The following KLHDC1 variants were observed in gnomAD, a reference collection of about 807,000 sequenced individuals.
KLHDC1 encodes the protein kelch domain-containing protein 1.
In KLHDC1, 53 loss-of-function variants were observed where a neutral mutation model predicts 68.3. That is an observed-to-expected ratio of 0.78 (90% CI 0.62 to 0.98). KLHDC1 has a LOEUF of 0.98. Ranked by LOEUF, KLHDC1 falls within the 50% of genes least tolerant of loss-of-function variation. KLHDC1 has a pLI of 0.00. For missense variants in KLHDC1, 470 were observed against 492.3 expected (o/e 0.95, Z 0.43); for synonymous variants, 148 against 159.0 (o/e 0.93, Z 0.52).
At chr14:49,718,111 C>T (rs1045743581) in intron 4 of KLHDC1, among the ~76,000 whole-genome samples, 1 of 152,090 alleles carries the variant, frequency 6.6e-6, no homozygotes, top group Non-Finnish European at 1.5e-5. Context: ...GTCTCAGACT[C>T]TTGGCTTCAA....
chr14:49,732,702 AG>A lies in KLHDC1; in HGVS notation c.711del, dbSNP rs1566614561. 1 of 1,446,294 alleles carries A rather than the reference AG, an allele frequency of 6.9e-7. No homozygotes were observed. The highest frequency in any genetic ancestry group is 1.7e-4 in the Middle Eastern group (1 of 5,720). The allele number at this position is 1,446,294 out of a possible 1,614,324, so 89.6% of individuals were successfully genotyped here. On this transcript the variant is annotated splice_acceptor_variant, in intron 8 of 12. Coordinates refer to ENST00000359332, the MANE Select transcript of KLHDC1 (RefSeq NM_172193.3). LOFTEE classifies it high-confidence loss of function. ...TAGACTTTCTTTTTCTCCTTGCCAC[AG>A]GATTACTATTAATGGAGAAAGCCCA...
intron 1 of KLHDC1, 70 bp downstream of exon 1, chr14:49,693,360 G>T: frequency 8.9e-7 from 1 of 1,118,392 alleles, no homozygotes. Flanking sequence ...CGCAGCGCCC[G>T]CCACACCCGC....
At chr14:49,713,798 GTATA>G (rs1174449263) in intron 4 of KLHDC1, among the ~76,000 whole-genome samples, 27 of 58,554 alleles carry the variant, frequency 4.6e-4, no homozygotes, top group African/African-American at 1.6e-3. Context: ...GAGGCAGGAG[GTATA>G]TATATATATA....
intron 4 of KLHDC1, among the ~76,000 whole-genome samples, chr14:49,722,721 G>C (rs1285119127): frequency 3.3e-5 from 5 of 152,056 alleles, no homozygotes; most frequent in Non-Finnish European, 5.9e-5. Flanking sequence ...AATTATGGCA[G>C]AAAGTGAAAA....
chr14:49,745,290 C>T (rs1417344630), intron 12 of KLHDC1, among the ~76,000 whole-genome samples: 2 of 152,166 alleles, frequency 1.3e-5, no homozygotes, highest in Admixed American at 6.6e-5. Context: ...AAACTAAACT[C>T]TCATGAGGGG....
intron 1 of KLHDC1, among the ~76,000 whole-genome samples, chr14:49,702,115 C>T (rs1887923766): frequency 1.3e-5 from 2 of 150,728 alleles, no homozygotes; most frequent in South Asian, 2.1e-4. Flanking sequence ...TTGCAGTGAG[C>T]CGAGATCACA....
intron 12 of KLHDC1, among the ~76,000 whole-genome samples, chr14:49,748,049 A>G (rs1429357739): frequency 1.3e-5 from 2 of 152,128 alleles, no homozygotes; most frequent in Non-Finnish European, 2.9e-5. Flanking sequence ...GAGTAAGGGA[A>G]TGTAAGAATT....
chr14:49,735,469 T>C (rs1346002402), intron 10 of KLHDC1, among the ~76,000 whole-genome samples: 1 of 152,128 alleles, frequency 6.6e-6, no homozygotes, highest in African/African-American at 2.4e-5. Flanking sequence ...CCTGAAAATA[T>C]TTATATTTAT....
intron 4 of KLHDC1, among the ~76,000 whole-genome samples, chr14:49,717,659 A>AG (rs1888414823): frequency 6.6e-6 from 1 of 151,890 alleles, no homozygotes; most frequent in African/African-American, 2.4e-5. Context: ...CTTTGGTATC[A>AG]GGGTAATGCT....
chr14:49,738,379 C>T (rs1461566530), intron 10 of KLHDC1, among the ~76,000 whole-genome samples: 1 of 145,306 alleles, frequency 6.9e-6, no homozygotes, highest in Admixed American at 6.9e-5. Context: ...AGCTCTGTCA[C>T]CCAGGCTGGG....
chr14:49,728,940 A>C lies in KLHDC1; in HGVS notation c.582A>C (p.Pro194=), dbSNP rs199921958. The change falls in exon 7 of 13, where the codon CCA becomes CCC. Residue 194 remains proline, a synonymous_variant. Transcript: ENST00000359332. ...FQPEIKGGVP[P]QPRAAHTCAV... Reference sequence around the variant, plus strand: ...TCTACTTGCAGGGTGGAGTTCCACCACAGCCACGAGCCGCGCATACATGTG... The same window carrying C: ...TCTACTTGCAGGGTGGAGTTCCACCCCAGCCACGAGCCGCGCATACATGTG... 1 of 1,613,210 alleles carries C rather than the reference A, an allele frequency of 6.2e-7. No individual in the cohort carries two copies. Among genetic ancestry groups the C allele is most frequent in the Admixed American group, 1.7e-5 (1 of 59,976 alleles).
At chr14:49,706,073 G>A (rs755789522) in intron 1 of KLHDC1, among the ~76,000 whole-genome samples, 8 of 152,028 alleles carry the variant, frequency 5.3e-5, no homozygotes, top group Non-Finnish European at 7.4e-5. Context: ...CAAATACTAG[G>A]TCTTATTCTT....
intron 8 of KLHDC1, 36 bp downstream of exon 8, chr14:49,729,584 G>C (rs1477062525): frequency 7.5e-7 from 1 of 1,336,626 alleles, no homozygotes. Context: ...TAATCTATAG[G>C]CATGTGTATG....
intron 1 of KLHDC1, among the ~76,000 whole-genome samples, chr14:49,696,606 G>A (rs1887749856): frequency 6.6e-6 from 1 of 152,162 alleles, no homozygotes; most frequent in South Asian, 2.1e-4. Context: ...ACCCTCTTCT[G>A]AGTTAGGCTC....
intron 4 of KLHDC1, among the ~76,000 whole-genome samples, chr14:49,717,987 A>C (rs918347770): frequency 6.6e-5 from 10 of 151,894 alleles, no homozygotes; most frequent in Non-Finnish European, 2.9e-5. Context: ...TGGACCCTCA[A>C]GCAGTCCTTC....
chr14:49,747,040 G>A (rs530613653), intron 12 of KLHDC1, among the ~76,000 whole-genome samples: 13 of 150,150 alleles, frequency 8.7e-5, no homozygotes, highest in African/African-American at 2.2e-4. Context: ...TCCACCTCCC[G>A]GGTTCACGCC....
intron 4 of KLHDC1, among the ~76,000 whole-genome samples, chr14:49,714,891 C>T (rs1888329674): frequency 6.8e-6 from 1 of 146,422 alleles, no homozygotes; most frequent in Non-Finnish European, 1.5e-5. Context: ...TACATGTATA[C>T]TTAATATATA....
At chr14:49,731,236 C>T (rs1246433159) in intron 8 of KLHDC1, among the ~76,000 whole-genome samples, 3 of 151,916 alleles carry the variant, frequency 2.0e-5, no homozygotes, top group Admixed American at 6.6e-5. Context: ...GCTGAGATCA[C>T]GCCATTGCAC....
chr14:49,750,738 CT>C (rs1281307656), intron 12 of KLHDC1, among the ~76,000 whole-genome samples: 3 of 152,104 alleles, frequency 2.0e-5, no homozygotes, highest in African/African-American at 7.2e-5. Flanking sequence ...ACAAAATGCT[CT>C]TCAAAATAGC....
Sources: gnomAD v4.1 joint callset for allele counts (sites outside exome capture counted in the v4.1 genomes callset) on GRCh38, gnomAD v4.1.1 for gene constraint, MANE v1.5 for transcripts, NCBI Gene and HGNC (gene_info 2026-07-23, HGNC 2026-07-21) for gene names.